Variants in ZNF619 observed in about 807,000 individuals in gnomAD.
ZNF619 encodes the protein zinc finger protein 619.
Under a neutral mutation model 14.2 loss-of-function variants are expected in ZNF619, and 9 were observed. That is an observed-to-expected ratio of 0.64 (90% confidence interval 0.38 to 1.11). The LOEUF is 1.11. Among genes scored for constraint, ZNF619 ranks in the 50% least tolerant of loss-of-function variants. The pLI is 0.01. For missense variants in ZNF619, 659 were observed against 680.1 expected (o/e 0.97, Z 0.34); for synonymous variants, 246 against 252.8 (o/e 0.97, Z 0.26).
At position 40,489,680 on chromosome 3, in the gene ZNF619, T is replaced by G. The variant is rs1348494090; in HGVS notation, c.*1439T>G. 6.6e-6 allele frequency: 1 copy of G among 152,158 alleles called. No individual in the cohort carries two copies. The highest frequency in any genetic ancestry group is 1.5e-5 in the Non-Finnish European group (1 of 68,046). 9.4% of individuals were successfully genotyped at this position (152,158 alleles called of 1,614,324 possible). ...CTCTAAAGCTGTACATGGATGGAAC[T>G]TGTTGGCATCACACTGGTGAGCACC... On this transcript the variant is annotated 3_prime_UTR_variant, in exon 5 of 5. Coordinates refer to ENST00000432264, the MANE Select transcript of ZNF619 (RefSeq NM_001145093.4).
At position 40,488,418 on chromosome 3, in the gene ZNF619, G is replaced by A. The variant is rs1697712488; in HGVS notation, c.*177G>A. The stretch of plus-strand genomic sequence containing the variant: ...TTTGATTAGTTTCTTTTATCCCCCG[G>A]TAGGAAATGGCAGTACTTATTCTTT... On this transcript the variant is annotated 3_prime_UTR_variant, in exon 5 of 5. Transcript: ENST00000432264. 3 of 571,678 alleles carry A rather than the reference G, an allele frequency of 5.2e-6. No individual in the cohort carries two copies. In the Admixed American group the frequency reaches 1.0e-4, roughly 20 times the overall value. The allele number at this position is 571,678 out of a possible 1,614,324, so 35.4% of individuals were successfully genotyped here. A position where few individuals can be genotyped will look rare whatever the true frequency, so the allele number is the denominator to read the frequency against.
chr3:40,478,055 C>A (rs1697255622), intron 2 of ZNF619, 52 bp downstream of exon 2: 1 of 1,518,612 alleles, frequency 6.6e-7, no homozygotes, highest in South Asian at 1.2e-5. Context: ...TATGGAAGGT[C>A]AGTACAGCCC....
intron 4 of ZNF619, among the ~76,000 whole-genome samples, chr3:40,484,250 T>TTGTG (rs71094608): frequency 2.0e-5 from 3 of 151,902 alleles, no homozygotes; most frequent in African/African-American, 2.4e-5. Flanking sequence ...TAAGAACATT[T>TTGTG]TGTGTGTGTG....
intron 4 of ZNF619, among the ~76,000 whole-genome samples, chr3:40,485,261 G>C (rs560189284): frequency 6.6e-6 from 1 of 150,940 alleles, no homozygotes; most frequent in Non-Finnish European, 1.5e-5. Flanking sequence ...ATTAGGTGTA[G>C]ATAAAGACTA....
rs2125644222 is a variant in ZNF619, at chr3:40,487,378, T to C, written c.868T>C (p.Cys290Arg). The change falls in exon 5 of 5, where the codon TGT becomes CGT. Residue 290 changes from cysteine (C) to arginine (R), a missense_variant. Cys to Arg is a radical substitution (Grantham distance 180, BLOSUM62 -3). Transcript: ENST00000432264. The stretch of plus-strand genomic sequence containing the variant: ...CCATGGTGGACAGAGGCCCTATGAA[T>C]GTACTGACTGTGGTAAAACCTTCAG... ...KLHGGQRPYECTDCGKTFSYN... is the reference protein window; with the variant it reads ...KLHGGQRPYERTDCGKTFSYN... 1 of 1,614,214 alleles carries C rather than the reference T, an allele frequency of 6.2e-7. No individual in the cohort carries two copies. The highest frequency in any genetic ancestry group is 2.2e-5 in the East Asian group (1 of 44,878).
chr3:40,477,737 G>A, intron 1 of ZNF619, 181 bp from the exon 2 acceptor site: 1 of 510,914 alleles, frequency 2.0e-6, no homozygotes, highest in Non-Finnish European at 3.5e-6. Context: ...GTGTCACCAA[G>A]CAGATCTATA....
At position 40,487,997 on chromosome 3, in the gene ZNF619, G is replaced by A. The variant is rs760666991; in HGVS notation, c.1487G>A (p.Cys496Tyr). 1.2e-6 allele frequency: 2 copies of A among 1,614,174 alleles called. No homozygotes were observed. Among genetic ancestry groups the A allele is most frequent in the Non-Finnish European group, 1.7e-6 (2 of 1,180,014 alleles). The change falls in exon 5 of 5, where the codon TGT (cysteine) becomes TAT (tyrosine). Residue 496 changes from cysteine to tyrosine, a missense_variant. Physicochemically the swap from Cys to Tyr is radical, Grantham distance 194. Coordinates refer to ENST00000432264, the MANE Select transcript of ZNF619 (RefSeq NM_001145093.4). ...GGGCTATCCGCAGTTAAGCCCTACT[G>A]TCCCTGCGCCATCCTCTCTCCTCTG... ...GTGLSAVKPY[C>Y]PCAILSPLPP...
At position 40,482,876 on chromosome 3, in the gene ZNF619, C is replaced by T. The variant is rs557481526; in HGVS notation, c.295+172C>T. Among the ~76,000 whole-genome samples, 25 of 152,286 alleles carry T rather than the reference C, an allele frequency of 1.6e-4. No homozygotes were observed. In the South Asian group the frequency reaches 4.8e-3, roughly 29 times the overall value. On this transcript the variant is annotated intron_variant, in intron 4 of 4. Coordinates refer to ENST00000432264, the MANE Select transcript of ZNF619 (RefSeq NM_001145093.4). Reference sequence around the variant, plus strand: ...AACTTCATCCCCGAACTAGAAAAGACGAGTCCCGCCATTTTATTTCTGCCA... The same window carrying T: ...AACTTCATCCCCGAACTAGAAAAGATGAGTCCCGCCATTTTATTTCTGCCA...
Position 40,488,209 on chromosome 3 carries a change from C to T in ZNF619, c.1699C>T (p.Gln567Ter). The change falls in exon 5 of 5, where the codon CAG becomes TAG. Residue 567 changes from glutamine to a stop codon, truncating the protein, a stop_gained. Transcript: ENST00000432264. LOFTEE classifies it low-confidence loss of function (END_TRUNC). The stretch of plus-strand genomic sequence containing the variant: ...CGCTTTTCCTGGGAAGTCATCCCTT[C>T]AGAGCCCGAATCCTTTGTCTCACTC... Reference protein sequence around the residue: ...DLAFPGKSSLQSPNPLSHSL With the variant: ...DLAFPGKSSL 1 of 1,599,482 alleles carries T rather than the reference C, an allele frequency of 6.3e-7. No homozygotes were observed. The highest frequency in any genetic ancestry group is 8.5e-7 in the Non-Finnish European group (1 of 1,169,766).
At chr3:40,481,740 C>G in intron 2 of ZNF619, 123 bp from the exon 3 acceptor site, 1 of 1,316,536 alleles carries the variant, frequency 7.6e-7, no homozygotes, top group Non-Finnish European at 1.0e-6. Context: ...TCGGGGCTGC[C>G]CCTGCTGGGG....
chr3:40,478,148 C>A (rs978694727), intron 2 of ZNF619, 145 bp downstream of exon 2: 11 of 712,126 alleles, frequency 1.5e-5, no homozygotes, highest in South Asian at 5.8e-5. Flanking sequence ...GGGGAGTTGA[C>A]GAACGAGAGT....
rs746364165 is a variant in ZNF619 at position 40,487,129 on chromosome 3, G to A, written c.619G>A (p.Gly207Ser). The A allele has an allele frequency of 1.9e-6, 3 of 1,613,988 alleles. No homozygotes were observed. Among genetic ancestry groups the A allele is most frequent in the African/African-American group, 1.3e-5 (1 of 74,928 alleles). ...CAAAGAACAGGTGTTTTATAAATGT[G>A]GTGAGTGTGGCAGTTACTACAACCC... ...FAKEQVFYKCGECGSYYNPHS... is the reference protein window; with the variant it reads ...FAKEQVFYKCSECGSYYNPHS... The change falls in exon 5 of 5, where the codon GGT (glycine) becomes AGT (serine). Residue 207 changes from glycine (G) to serine (S), a missense_variant. Transcript: ENST00000432264.
chr3:40,479,823 A>G (rs1004510568), intron 2 of ZNF619, among the ~76,000 whole-genome samples: 1 of 152,172 alleles, frequency 6.6e-6, no homozygotes, highest in Non-Finnish European at 1.5e-5. Flanking sequence ...ACCACACTGC[A>G]GTTCTGACAA....
chr3:40,486,570 A>G (rs1697584506), intron 4 of ZNF619, among the ~76,000 whole-genome samples: 1 of 152,140 alleles, frequency 6.6e-6, no homozygotes, highest in Middle Eastern at 3.4e-3. Flanking sequence ...GTGTGGTGGC[A>G]CATGCCTGTA....
intron 3 of ZNF619, 183 bp downstream of exon 3, chr3:40,482,199 G>C: frequency 6.4e-7 from 1 of 1,550,388 alleles, no homozygotes; most frequent in Non-Finnish European, 8.7e-7. Context: ...GTGTTTAACA[G>C]GACTTTTCTC....
chr3:40,486,051 A>G (rs1419492725), intron 4 of ZNF619, among the ~76,000 whole-genome samples: 1 of 152,208 alleles, frequency 6.6e-6, no homozygotes, highest in Admixed American at 6.5e-5. Context: ...ATTTTAAAGT[A>G]TTTTGACAGG....
At chr3:40,483,503 C>A (rs1697475988) in intron 4 of ZNF619, 1 of 370,216 alleles carries the variant, frequency 2.7e-6, no homozygotes, top group African/African-American at 2.2e-5. Context: ...GCTGGCCAGG[C>A]TGGTCTCGAA....
In ZNF619 at chr3:40,486,929, A is replaced by G. The variant is rs753768865; in HGVS notation, c.419A>G (p.Lys140Arg). The change falls in exon 5 of 5, where the codon AAG becomes AGG. Residue 140 changes from lysine to arginine, a missense_variant. Physicochemically the swap from Lys to Arg is conservative, Grantham distance 26. Transcript: ENST00000432264. ...GACGTTCCCCAGCACCCTGACTTCA[A>G]GGACAGGTTAGAGAAGTCACAGCTA... ...LMDVPQHPDFKDRLEKSQLHD... is the reference protein window; with the variant it reads ...LMDVPQHPDFRDRLEKSQLHD... 1 of 1,614,184 alleles carries G rather than the reference A, an allele frequency of 6.2e-7. No individual in the cohort carries two copies. Among genetic ancestry groups the G allele is most frequent in the South Asian group, 1.1e-5 (1 of 91,084 alleles).
rs1199238350 is a variant in ZNF619, at chr3:40,487,783, G to C, written c.1273G>C (p.Glu425Gln). The C allele has an allele frequency of 1.2e-6, 2 of 1,614,150 alleles. No homozygotes were observed. The highest frequency in any genetic ancestry group is 1.7e-6 in the Non-Finnish European group (2 of 1,180,038). Residue 425 changes from glutamate (E) to glutamine (Q), a missense_variant, in exon 5 of 5, where the codon GAG becomes CAG. Coordinates refer to ENST00000432264, the MANE Select transcript of ZNF619 (RefSeq NM_001145093.4). ...AGTGCATCAGAGAATCCACAATGGG[G>C]AGAAACCCTATGAATGCCAGGAATG... ...FIVHQRIHNG[E>Q]KPYECQECGK...
Sources: allele counts gnomAD v4.1 joint callset (sites outside exome capture counted in the v4.1 genomes callset), GRCh38; gene constraint gnomAD v4.1.1; transcripts MANE v1.5; gene names NCBI Gene and HGNC (gene_info 2026-07-23, HGNC 2026-07-21).